The following NXPH2 variants were observed in gnomAD, a reference collection of about 807,000 sequenced individuals.
NXPH2 encodes the protein neurexophilin-2.
Under a neutral mutation model 19.8 loss-of-function variants are expected in NXPH2, and 5 were observed. That is an observed-to-expected ratio of 0.25 (90% CI 0.13 to 0.53). The LOEUF (loss-of-function observed/expected upper bound fraction) is 0.53. NXPH2 is among the 20% of genes least tolerant of loss of function. NXPH2 has a pLI of 0.96. For missense variants in NXPH2, 289 were observed against 322.8 expected (o/e 0.90, Z 0.80); for synonymous variants, 154 against 127.4 (o/e 1.21, Z -1.41).
At chr2:138,719,170 T>G (rs890672146) in intron 1 of NXPH2, among the ~76,000 whole-genome samples, 1 of 152,292 alleles carries the variant, frequency 6.6e-6, no homozygotes, top group East Asian at 1.9e-4. Flanking sequence ...AATGGAATAC[T>G]GAGTGGTCTT....
chr2:138,758,859 G>C (rs1439376110), intron 1 of NXPH2, among the ~76,000 whole-genome samples: 1 of 152,142 alleles, frequency 6.6e-6, no homozygotes, highest in African/African-American at 2.4e-5. Flanking sequence ...AAAAATGAGA[G>C]ACAGCTGGTT....
chr2:138,691,369 A>T (rs574030541), intron 1 of NXPH2, among the ~76,000 whole-genome samples: 10 of 152,316 alleles, frequency 6.6e-5, no homozygotes, highest in Non-Finnish European at 1.5e-4. Flanking sequence ...ATTCCATAGC[A>T]TCTGAAAATG....
At chr2:138,698,932 G>A (rs1680875109) in intron 1 of NXPH2, among the ~76,000 whole-genome samples, 1 of 152,062 alleles carries the variant, frequency 6.6e-6, no homozygotes, top group Non-Finnish European at 1.5e-5. Context: ...TGAATTTTGG[G>A]ACTCAAAGTA....
At chr2:138,747,113 G>A (rs954114272) in intron 1 of NXPH2, among the ~76,000 whole-genome samples, 4 of 152,102 alleles carry the variant, frequency 2.6e-5, no homozygotes, top group Admixed American at 6.6e-5. Flanking sequence ...ATTGATGGAC[G>A]TTTAGGTCAT....
Position 138,671,351 on chromosome 2 carries a change from T to C in NXPH2, c.366A>G (p.Lys122=), listed in dbSNP as rs1228619358. 4 of 1,613,806 alleles carry C rather than the reference T, an allele frequency of 2.5e-6. No homozygotes were observed. In the African/African-American group the frequency reaches 5.3e-5, roughly 22 times the overall value. ...TGATGAGGAGATTGAGTTTGACAGT[T>C]TTAATGTTGGAATGAAAGTCACCCC... The part of the protein sequence containing the change: ...FGWGDFHSNI[K]TVKLNLLITG... Residue 122 remains lysine, a synonymous_variant, in exon 2 of 2, where the codon AAA becomes AAG. Transcript: ENST00000272641.
At chr2:138,744,711 C>T (rs895682761) in intron 1 of NXPH2, among the ~76,000 whole-genome samples, 18 of 152,148 alleles carry the variant, frequency 1.2e-4, no homozygotes, top group Non-Finnish European at 1.9e-4. Context: ...CACTCTCTCT[C>T]GGGCACTGGT....
chr2:138,693,474 A>G (rs1680773735), intron 1 of NXPH2, among the ~76,000 whole-genome samples: 1 of 152,150 alleles, frequency 6.6e-6, no homozygotes, highest in Non-Finnish European at 1.5e-5. Context: ...TTCAGAACCC[A>G]CAAGTCTGAT....
intron 1 of NXPH2, among the ~76,000 whole-genome samples, chr2:138,724,452 A>G (rs1681326764): frequency 6.6e-6 from 1 of 152,102 alleles, no homozygotes; most frequent in Non-Finnish European, 1.5e-5. Context: ...GGGTGATTGT[A>G]TGTGTGTGTG....
At chr2:138,679,582 T>G (rs1680539387) in intron 1 of NXPH2, among the ~76,000 whole-genome samples, 1 of 152,100 alleles carries the variant, frequency 6.6e-6, no homozygotes, top group African/African-American at 2.4e-5. Context: ...GTATTTTTAC[T>G]AGAGACGAGG....
At chr2:138,720,735 T>C (rs1284894528) in intron 1 of NXPH2, among the ~76,000 whole-genome samples, 1 of 152,164 alleles carries the variant, frequency 6.6e-6, no homozygotes, top group Non-Finnish European at 1.5e-5. Context: ...AGATCCCTGT[T>C]CTCCCATTTT....
At chr2:138,677,792 A>G (rs1447945886) in intron 1 of NXPH2, among the ~76,000 whole-genome samples, 1 of 152,176 alleles carries the variant, frequency 6.6e-6, no homozygotes, top group Non-Finnish European at 1.5e-5. Flanking sequence ...TTTAAACTGT[A>G]TTCGCTATAT....
intron 1 of NXPH2, among the ~76,000 whole-genome samples, chr2:138,683,661 G>C (rs938074921): frequency 2.0e-5 from 3 of 152,174 alleles, no homozygotes; most frequent in African/African-American, 7.2e-5. Context: ...CTAGGCTACA[G>C]TATCCAGTTA....
At chr2:138,710,382 T>C (rs1204405255) in intron 1 of NXPH2, among the ~76,000 whole-genome samples, 1 of 152,156 alleles carries the variant, frequency 6.6e-6, no homozygotes, top group East Asian at 1.9e-4. Context: ...GGTATAAAAG[T>C]ATTTGCTTGA....
intron 1 of NXPH2, among the ~76,000 whole-genome samples, chr2:138,737,899 C>G (rs919507202): frequency 2.6e-5 from 4 of 151,898 alleles, no homozygotes; most frequent in African/African-American, 4.8e-5. Flanking sequence ...CCTTGTTAAA[C>G]AGAACACCTT....
chr2:138,685,234 C>A (rs1680629996), intron 1 of NXPH2, among the ~76,000 whole-genome samples: 1 of 152,210 alleles, frequency 6.6e-6, no homozygotes, highest in African/African-American at 2.4e-5. Flanking sequence ...TCCCAGCTTG[C>A]TGATCTGCCT....
intron 1 of NXPH2, among the ~76,000 whole-genome samples, chr2:138,707,952 C>T (rs1197494036): frequency 6.6e-6 from 1 of 152,114 alleles, no homozygotes; most frequent in Non-Finnish European, 1.5e-5. Flanking sequence ...AGAAGACTCC[C>T]TGGACAGTCA....
intron 1 of NXPH2, among the ~76,000 whole-genome samples, chr2:138,709,467 C>T (rs1213387561): frequency 6.6e-6 from 1 of 151,762 alleles, no homozygotes; most frequent in Non-Finnish European, 1.5e-5. Flanking sequence ...CACAGCTGCC[C>T]CATTACCACC....
chr2:138,744,636 C>G (rs1353101451), intron 1 of NXPH2, among the ~76,000 whole-genome samples: 1 of 152,162 alleles, frequency 6.6e-6, no homozygotes, highest in African/African-American at 2.4e-5. Context: ...TCCAGGTGCT[C>G]CAAGCCTTCT....
chr2:138,741,743 A>C (rs1037169319), intron 1 of NXPH2, among the ~76,000 whole-genome samples: 6 of 152,194 alleles, frequency 3.9e-5, no homozygotes, highest in African/African-American at 1.4e-4. Flanking sequence ...AACTAATCCT[A>C]TTCTGGGCTG....
Sources: allele counts gnomAD v4.1 joint callset (sites outside exome capture counted in the v4.1 genomes callset), GRCh38; gene constraint gnomAD v4.1.1; transcripts MANE v1.5; gene names NCBI Gene and HGNC (gene_info 2026-07-23, HGNC 2026-07-21).